The following ATXN7L1 variants were observed in gnomAD, a reference collection of about 807,000 sequenced individuals.
The protein encoded by ATXN7L1 is ataxin-7-like protein 1.
ATXN7L1 carries 15 observed loss-of-function variants against 70.8 expected under a neutral mutation model. The observed-to-expected ratio is 0.21, with a 90% CI of 0.14 to 0.33. ATXN7L1 has a LOEUF of 0.33. Among genes scored for constraint, ATXN7L1 ranks in the 10% least tolerant of loss-of-function variants. The probability of loss-of-function intolerance (pLI) is 1.00; values close to 1 mark genes in which losing one functional copy is unlikely to be tolerated. For synonymous variants in ATXN7L1, 440 were observed against 445.1 expected, an observed-to-expected ratio of 0.99 and a Z score of 0.14; for missense variants, 975 against 1,097.1, an observed-to-expected ratio of 0.89 and a Z score of 1.57.
At chr7:105,661,736 T>A (rs1801639796) in intron 4 of ATXN7L1, among the ~76,000 whole-genome samples, 1 of 152,188 alleles carries the variant, frequency 6.6e-6, no homozygotes, top group Non-Finnish European at 1.5e-5. Context: ...TGACACATGT[T>A]CCTGGACGTG....
chr7:105,759,484 G>GTGTGTT (rs139359335), intron 3 of ATXN7L1, among the ~76,000 whole-genome samples: 59,674 of 135,504 alleles, frequency 0.44, 13,735 homozygotes, highest in South Asian at 0.58. Context: ...GTGTGTGTGT[G>GTGTGTT]TGTGTGTATG....
At chr7:105,714,320 C>T (rs565779318) in intron 3 of ATXN7L1, among the ~76,000 whole-genome samples, 1 of 152,330 alleles carries the variant, frequency 6.6e-6, no homozygotes, top group East Asian at 1.9e-4. Context: ...GTGCCTCTGG[C>T]AGGAAATGCC....
At chr7:105,810,968 C>T (rs996509055) in intron 2 of ATXN7L1, among the ~76,000 whole-genome samples, 2 of 152,234 alleles carry the variant, frequency 1.3e-5, no homozygotes, top group African/African-American at 4.8e-5. Flanking sequence ...AAGGATGACA[C>T]CAAGAGTTCT....
At chr7:105,618,300 C>G (rs1414905798) in intron 9 of ATXN7L1, among the ~76,000 whole-genome samples, 1 of 152,190 alleles carries the variant, frequency 6.6e-6, no homozygotes, top group Non-Finnish European at 1.5e-5. Flanking sequence ...ACAGTCACCC[C>G]ACGTGTAGCA....
intron 2 of ATXN7L1, among the ~76,000 whole-genome samples, chr7:105,800,337 T>C (rs756424838): frequency 8.5e-5 from 13 of 152,176 alleles, no homozygotes; most frequent in Admixed American, 2.6e-4. Flanking sequence ...CCCTCCATAC[T>C]TGCCAAAATC....
intron 3 of ATXN7L1, among the ~76,000 whole-genome samples, chr7:105,706,450 C>T (rs1435493021): frequency 1.3e-5 from 2 of 152,252 alleles, no homozygotes; most frequent in East Asian, 3.9e-4. Context: ...CCTGCCTTGG[C>T]CTCCCAAAGT....
intron 2 of ATXN7L1, among the ~76,000 whole-genome samples, chr7:105,871,710 C>CA (rs11350779): frequency 0.11 from 13,996 of 127,322 alleles, 721 homozygotes; most frequent in East Asian, 0.26. Flanking sequence ...GATTCTGTCT[C>CA]AAAAAAAAAA....
rs1484380432 is a variant in ATXN7L1, at chr7:105,620,321, ACTGTGAGG to A, written c.1396-8_1396-1del. 5 of 1,542,536 alleles carry A rather than the reference ACTGTGAGG, an allele frequency of 3.2e-6. No homozygotes were observed. Among genetic ancestry groups the A allele is most frequent in the Admixed American group, 2.1e-5 (1 of 48,318 alleles). On this transcript the variant is annotated splice_acceptor_variant and splice_polypyrimidine_tract_variant and intron_variant, in intron 8 of 11. Transcript: ENST00000419735. LOFTEE classifies it high-confidence loss of function. ...ATGAGGCGACTCCCAAATGAGCAAAACTGTGAGGAAAAAAAAATTTTAATTTTGATTAC... is the reference window on the plus strand; with the variant it reads ...ATGAGGCGACTCCCAAATGAGCAAAAAAAAAAAAATTTTAATTTTGATTAC...
At chr7:105,840,319 A>G (rs1269493482) in intron 2 of ATXN7L1, among the ~76,000 whole-genome samples, 2 of 152,208 alleles carry the variant, frequency 1.3e-5, no homozygotes, top group Admixed American at 6.5e-5. Flanking sequence ...AGAGGTTACT[A>G]TGAAGGTCCT....
intron 4 of ATXN7L1, among the ~76,000 whole-genome samples, chr7:105,651,028 G>A (rs1799755961): frequency 6.6e-6 from 1 of 152,166 alleles, no homozygotes. Flanking sequence ...TCTGTTGCTG[G>A]ATGCATTACG....
rs183732940 is a variant in ATXN7L1 at position 105,733,088 on chromosome 7, G to A, written c.355+55516C>T. ...TCTATTTAGTTGCTTGCTGCCTGCT[G>A]TTGCCCATTAAAAGGCGATTTCCAT... On this transcript the variant is annotated intron_variant, in intron 3 of 11. Transcript: ENST00000419735. 2.6e-3 allele frequency among the ~76,000 whole-genome samples: 391 copies of A among 152,232 alleles called. 1 individual carries two copies. The highest frequency in any genetic ancestry group is 4.2e-3 in the Non-Finnish European group (289 of 68,020).
intron 3 of ATXN7L1, among the ~76,000 whole-genome samples, chr7:105,769,650 G>A (rs17152095): frequency 0.051 from 7,695 of 152,172 alleles, 408 homozygotes; most frequent in East Asian, 0.19. Context: ...CTACCTGGAT[G>A]TCCTATTTGA....
At position 105,665,166 on chromosome 7, in the gene ATXN7L1, T is replaced by C; in HGVS notation, c.478A>G (p.Ser160Gly). 6.4e-7 allele frequency: 1 copy of C among 1,551,758 alleles called. No individual in the cohort carries two copies. The highest frequency in any genetic ancestry group is 2.4e-5 in the East Asian group (1 of 40,916). ...GGCGTTTTGAATGGCTTTGAGGTGC[T>C]GCTGGCAGAGTGATGGCCGCTGAGA... ...ACLSGHHSASSTSKPFKTPKD... is the reference protein window; with the variant it reads ...ACLSGHHSASGTSKPFKTPKD... The change falls in exon 4 of 12, where the codon AGC becomes GGC. Residue 160 changes from serine (S) to glycine (G), a missense_variant. Ser to Gly is a moderately conservative substitution (Grantham distance 56). Transcript: ENST00000419735.
chr7:105,845,098 A>C (rs1256474406), intron 2 of ATXN7L1, among the ~76,000 whole-genome samples: 2 of 147,944 alleles, frequency 1.4e-5, no homozygotes, highest in East Asian at 4.0e-4. Context: ...CCAGCTACTC[A>C]GGAGGCTGAG....
intron 3 of ATXN7L1, among the ~76,000 whole-genome samples, chr7:105,690,629 C>T (rs1417955468): frequency 1.3e-5 from 2 of 152,188 alleles, no homozygotes; most frequent in African/African-American, 4.8e-5. Context: ...TGAAGTGTCT[C>T]ATTTACAAGG....
intron 4 of ATXN7L1, among the ~76,000 whole-genome samples, chr7:105,664,572 T>TGC (rs1802271158): frequency 1.4e-5 from 2 of 144,202 alleles, no homozygotes; most frequent in African/African-American, 5.2e-5. Context: ...TATGTATGTG[T>TGC]GTGTATATAT....
At chr7:105,615,217 A>G (rs1282864963) in intron 9 of ATXN7L1, among the ~76,000 whole-genome samples, 1 of 151,970 alleles carries the variant, frequency 6.6e-6, no homozygotes, top group Non-Finnish European at 1.5e-5. Context: ...AGAAGTGATC[A>G]TTTCACATGT....
chr7:105,784,067 T>C (rs1803916500), intron 3 of ATXN7L1, among the ~76,000 whole-genome samples: 1 of 152,188 alleles, frequency 6.6e-6, no homozygotes, highest in African/African-American at 2.4e-5. Context: ...GCTCAAGTGA[T>C]TCTCCTACCT....
intron 3 of ATXN7L1, among the ~76,000 whole-genome samples, chr7:105,743,144 TA>T (rs1331092506): frequency 6.6e-6 from 1 of 152,108 alleles, no homozygotes; most frequent in African/African-American, 2.4e-5. Flanking sequence ...TATTTTGGTA[TA>T]AAATAACTCT....
Sources: allele counts gnomAD v4.1 joint callset (sites outside exome capture counted in the v4.1 genomes callset), GRCh38; gene constraint gnomAD v4.1.1; transcripts MANE v1.5; gene names NCBI Gene and HGNC (gene_info 2026-07-23, HGNC 2026-07-21).